RBFOX1: variants seen among roughly 807,000 people sequenced by gnomAD.
RBFOX1 encodes RNA binding protein fox-1 homolog 1.
In RBFOX1, 8 loss-of-function variants were observed where a neutral mutation model predicts 57.7. The observed-to-expected ratio is 0.14, with a 90% CI of 0.08 to 0.25. The LOEUF is 0.25. RBFOX1 is among the 10% of genes least tolerant of loss of function. The probability of loss-of-function intolerance (pLI) is 1.00; values close to 1 mark genes in which losing one functional copy is unlikely to be tolerated. For synonymous variants in RBFOX1, 326 were observed against 222.4 expected, an observed-to-expected ratio of 1.47 and a Z score of -4.15; for missense variants, 611 against 548.5, an observed-to-expected ratio of 1.11 and a Z score of -1.14.
chr16:6,822,967 G>T (rs576066209), intron 3 of RBFOX1, among the ~76,000 whole-genome samples: 1 of 152,250 alleles, frequency 6.6e-6, no homozygotes, highest in African/African-American at 2.4e-5. Flanking sequence ...GACAAAAAAC[G>T]ATGATCCCTA....
chr16:6,524,921 A>T (rs1033670310), intron 2 of RBFOX1, among the ~76,000 whole-genome samples: 19 of 152,086 alleles, frequency 1.2e-4, no homozygotes, highest in African/African-American at 4.6e-4. Flanking sequence ...AGCCAGTATG[A>T]CCTCATCTTA....
intron 1 of RBFOX1, among the ~76,000 whole-genome samples, chr16:5,419,329 C>G (rs2067247036): frequency 1.3e-5 from 2 of 152,142 alleles, no homozygotes; most frequent in African/African-American, 4.8e-5. Context: ...AACTTGGAGT[C>G]TGATGTTCAA....
chr16:7,203,786 G>A (rs188027450), intron 4 of RBFOX1, among the ~76,000 whole-genome samples: 69 of 152,264 alleles, frequency 4.5e-4, no homozygotes, highest in Non-Finnish European at 6.6e-4. Flanking sequence ...AACCCACCAA[G>A]CAAAGGCAAT....
chr16:6,919,124 C>A (rs989141747), intron 3 of RBFOX1, among the ~76,000 whole-genome samples: 1 of 152,056 alleles, frequency 6.6e-6, no homozygotes, highest in African/African-American at 2.4e-5. Context: ...GGATTACAGG[C>A]ACCTGCCATC....
At chr16:5,267,373 C>T (rs2062886630) in intron 1 of RBFOX1, among the ~76,000 whole-genome samples, 1 of 150,902 alleles carries the variant, frequency 6.6e-6, no homozygotes, top group Non-Finnish European at 1.5e-5. Flanking sequence ...TCTTGACTCA[C>T]TGCAACCTCC....
chr16:6,505,053 A>C (rs1411990181), intron 2 of RBFOX1, among the ~76,000 whole-genome samples: 1 of 152,210 alleles, frequency 6.6e-6, no homozygotes, highest in East Asian at 1.9e-4. Context: ...ATCTTGGGCA[A>C]CAGAGTGACA....
intron 3 of RBFOX1, among the ~76,000 whole-genome samples, chr16:6,698,086 A>C (rs1283847636): frequency 6.6e-6 from 1 of 152,192 alleles, no homozygotes; most frequent in Non-Finnish European, 1.5e-5. Context: ...AGTTATTTCA[A>C]CTGTTTGGAA....
At chr16:5,740,561 A>G (rs1393988971) in intron 3 of RBFOX1, among the ~76,000 whole-genome samples, 1 of 152,230 alleles carries the variant, frequency 6.6e-6, no homozygotes, top group Non-Finnish European at 1.5e-5. Flanking sequence ...GATAAGCAGA[A>G]AGGGAATCTG....
At position 6,259,232 on chromosome 16, in the gene RBFOX1, A is replaced by G. The variant is rs370424122; in HGVS notation, c.-126-57763A>G. 9.2e-5 allele frequency among the ~76,000 whole-genome samples: 14 copies of G among 152,214 alleles called. No individual in the cohort carries two copies. In the East Asian group the frequency reaches 1.4e-3, roughly 15 times the overall value. On this transcript the variant is annotated intron_variant, in intron 1 of 15. Transcript: ENST00000550418. ...CAGATTGTTATCCAGGTCACCTACTATCCAGTGAAATCTATCATTATTCCT... is the reference window on the plus strand; with the variant it reads ...CAGATTGTTATCCAGGTCACCTACTGTCCAGTGAAATCTATCATTATTCCT...
intron 4 of RBFOX1, among the ~76,000 whole-genome samples, chr16:7,354,282 T>C (rs573498687): frequency 1.3e-5 from 2 of 152,336 alleles, no homozygotes; most frequent in South Asian, 4.1e-4. Flanking sequence ...GAATTGTATA[T>C]TTTAAAGTGT....
At chr16:6,549,000 T>A in intron 2 of RBFOX1, among the ~76,000 whole-genome samples, 1 of 149,342 alleles carries the variant, frequency 6.7e-6, no homozygotes, top group East Asian at 2.0e-4. Context: ...ACTTGAACCC[T>A]GGAGGTGGAG....
intron 12 of RBFOX1, among the ~76,000 whole-genome samples, chr16:7,655,857 T>G (rs1203255735): frequency 1.3e-5 from 2 of 152,160 alleles, no homozygotes; most frequent in African/African-American, 2.4e-5. Flanking sequence ...TATAAACATC[T>G]CAGAATGACA....
intron 3 of RBFOX1, among the ~76,000 whole-genome samples, chr16:6,783,535 A>T (rs1363102930): frequency 1.3e-5 from 2 of 151,944 alleles, no homozygotes; most frequent in Admixed American, 6.6e-5. Flanking sequence ...AGAAAACTAA[A>T]TTCTACGCTT....
intron 4 of RBFOX1, among the ~76,000 whole-genome samples, chr16:6,008,602 C>T (rs963099918): frequency 6.6e-6 from 1 of 152,102 alleles, no homozygotes; most frequent in African/African-American, 2.4e-5. Context: ...CCCAGAGCTT[C>T]AGCATGTGTA....
At chr16:5,245,334 A>C (rs1425379189) in intron 1 of RBFOX1, among the ~76,000 whole-genome samples, 1 of 152,034 alleles carries the variant, frequency 6.6e-6, no homozygotes, top group African/African-American at 2.4e-5. Flanking sequence ...TCATTGGCTG[A>C]GGTTGCTTGG....
At chr16:5,944,174 C>T (rs939811006) in intron 4 of RBFOX1, among the ~76,000 whole-genome samples, 11 of 152,196 alleles carry the variant, frequency 7.2e-5, no homozygotes, top group African/African-American at 2.2e-4. Flanking sequence ...GATCTAATGA[C>T]CTCAACGATG....
chr16:5,977,121 A>T (rs2060079647), intron 4 of RBFOX1, among the ~76,000 whole-genome samples: 1 of 152,104 alleles, frequency 6.6e-6, no homozygotes, highest in South Asian at 2.1e-4. Flanking sequence ...TTTTCTAGTA[A>T]GCTAAATTCC....
intron 4 of RBFOX1, among the ~76,000 whole-genome samples, chr16:7,504,769 ATT>A (rs1183651086): frequency 1.1e-3 from 13 of 11,420 alleles, no homozygotes; most frequent in Non-Finnish European, 1.7e-3. Flanking sequence ...ATATATATAT[ATT>A]TATATATATA....
intron 14 of RBFOX1, among the ~76,000 whole-genome samples, chr16:7,688,095 T>C (rs1364722950): frequency 6.6e-6 from 1 of 152,014 alleles, no homozygotes; most frequent in African/African-American, 2.4e-5. Flanking sequence ...GATATCCCAA[T>C]ACGTACAGGT....
Sources: gnomAD v4.1 joint callset for allele counts (sites outside exome capture counted in the v4.1 genomes callset) on GRCh38, gnomAD v4.1.1 for gene constraint, MANE v1.5 for transcripts, NCBI Gene and HGNC (gene_info 2026-07-23, HGNC 2026-07-21) for gene names.